Variants in CACNB2 observed in about 807,000 individuals in gnomAD.
The protein encoded by CACNB2 is calcium voltage-gated channel auxiliary subunit beta 2.
In CACNB2, 42 loss-of-function variants were observed where a neutral mutation model predicts 73.3. That is an observed-to-expected ratio of 0.57 (90% CI 0.45 to 0.74). The LOEUF is 0.74. Among genes scored for constraint, CACNB2 ranks in the 30% least tolerant of loss-of-function variants. CACNB2 has a pLI of 0.00. For synonymous variants in CACNB2, 348 were observed against 310.3 expected (o/e 1.12, Z -1.28); for missense variants, 940 against 853.0 (o/e 1.10, Z -1.27).
chr10:18,146,403 A>G (rs1250806337), intron 1 of CACNB2, among the ~76,000 whole-genome samples: 2 of 144,716 alleles, frequency 1.4e-5, no homozygotes, highest in Non-Finnish European at 1.5e-5. Flanking sequence ...TCCACCTTCC[A>G]TGTTGAAGCA....
chr10:18,190,154 G>A (rs374531554), intron 2 of CACNB2, among the ~76,000 whole-genome samples: 6 of 152,092 alleles, frequency 3.9e-5, no homozygotes, highest in Admixed American at 3.9e-4. Context: ...GCTCATGTCC[G>A]CATCCTCTGC....
intron 2 of CACNB2, among the ~76,000 whole-genome samples, chr10:18,264,435 C>T (rs984356400): frequency 1.3e-5 from 2 of 152,144 alleles, no homozygotes; most frequent in African/African-American, 4.8e-5. Context: ...AGAATGTTCT[C>T]AAAGCAAACA....
intron 2 of CACNB2, among the ~76,000 whole-genome samples, chr10:18,356,870 T>A (rs577471269): frequency 6.6e-6 from 1 of 150,974 alleles, no homozygotes; most frequent in East Asian, 1.9e-4. Flanking sequence ...GCTCAAACGA[T>A]CCTCCTGCCT....
rs914172196 is a variant in CACNB2 at position 18,199,753 on chromosome 10, A to T, written c.213+48778A>T. ...ACTTTGTCTTCTGTATGGAGAAGAG[A>T]TTTTGAGGGAGCAAGACTGGAAGGA... is the stretch of plus-strand genomic sequence containing the variant. On this transcript the variant is annotated intron_variant, in intron 2 of 13. Coordinates refer to ENST00000324631, the MANE Select transcript of CACNB2 (RefSeq NM_201596.3). Among the ~76,000 whole-genome samples the T allele has an allele frequency of 2.6e-5, 4 of 152,096 alleles. No individual in the cohort carries two copies. The East Asian group carries it at 7.7e-4, about 29-fold the overall frequency.
intron 2 of CACNB2, among the ~76,000 whole-genome samples, chr10:18,392,760 A>G (rs886315098): frequency 2.0e-5 from 3 of 151,646 alleles, no homozygotes; most frequent in Non-Finnish European, 4.4e-5. Flanking sequence ...CAATTTATTC[A>G]CTCCTTTTCT....
chr10:18,392,005 C>A (rs566020666), intron 2 of CACNB2, among the ~76,000 whole-genome samples: 11 of 151,582 alleles, frequency 7.3e-5, no homozygotes, highest in Non-Finnish European at 8.8e-5. Flanking sequence ...GGAAATACCG[C>A]TGCAATCAAT....
intron 2 of CACNB2, among the ~76,000 whole-genome samples, chr10:18,296,951 GATA>G (rs1461720356): frequency 6.6e-6 from 1 of 152,194 alleles, no homozygotes; most frequent in African/African-American, 2.4e-5. Context: ...GTAAAATGAG[GATA>G]ATAACACTTT....
intron 1 of CACNB2, among the ~76,000 whole-genome samples, chr10:18,142,479 T>G (rs1056041112): frequency 6.6e-6 from 1 of 152,182 alleles, no homozygotes; most frequent in Non-Finnish European, 1.5e-5. Flanking sequence ...GAATGAAAAA[T>G]GTACCCGGAG....
chr10:18,365,549 A>C (rs1163798278), intron 2 of CACNB2, among the ~76,000 whole-genome samples: 2 of 152,110 alleles, frequency 1.3e-5, no homozygotes. Context: ...GATTTGTTTA[A>C]ATTATTTCTA....
At chr10:18,146,354 G>T (rs1462195415) in intron 1 of CACNB2, among the ~76,000 whole-genome samples, 3 of 145,940 alleles carry the variant, frequency 2.1e-5, no homozygotes, top group Non-Finnish European at 3.0e-5. Context: ...CGGTAGCCCA[G>T]GTTGGAGTGC....
At chr10:18,189,132 T>G (rs2034284573) in intron 2 of CACNB2, among the ~76,000 whole-genome samples, 1 of 152,078 alleles carries the variant, frequency 6.6e-6, no homozygotes, top group Admixed American at 6.6e-5. Context: ...CAACTACAGA[T>G]TGTTTGTTTT....
At chr10:18,315,607 T>G (rs1301179542) in intron 2 of CACNB2, among the ~76,000 whole-genome samples, 1 of 135,416 alleles carries the variant, frequency 7.4e-6, no homozygotes, top group African/African-American at 2.9e-5. Flanking sequence ...GGTGGGAGGG[T>G]AACTTGAGCA....
chr10:18,295,586 T>C (rs377251093), intron 2 of CACNB2, among the ~76,000 whole-genome samples: 1 of 152,208 alleles, frequency 6.6e-6, no homozygotes, highest in Admixed American at 6.5e-5. Flanking sequence ...TTGTTCTTAA[T>C]GTTTTTTATT....
intron 3 of CACNB2, among the ~76,000 whole-genome samples, chr10:18,475,296 C>A (rs1041912113): frequency 2.6e-5 from 4 of 152,010 alleles, no homozygotes; most frequent in African/African-American, 9.7e-5. Context: ...CAGTCTCCAA[C>A]CCTTTTCCTG....
At chr10:18,436,387 G>A (rs936227583) in intron 3 of CACNB2, among the ~76,000 whole-genome samples, 2 of 152,192 alleles carry the variant, frequency 1.3e-5, no homozygotes, top group African/African-American at 4.8e-5. Context: ...GGAGAACAAA[G>A]CAGAGAATGA....
intron 6 of CACNB2, among the ~76,000 whole-genome samples, chr10:18,511,595 G>A (rs2050788616): frequency 6.6e-6 from 1 of 152,140 alleles, no homozygotes; most frequent in African/African-American, 2.4e-5. Context: ...ATGTACTGTG[G>A]TTTTTGTTAG....
chr10:18,361,869 TC>T (rs1564469073), intron 2 of CACNB2, among the ~76,000 whole-genome samples: 1 of 152,152 alleles, frequency 6.6e-6, no homozygotes, highest in Non-Finnish European at 1.5e-5. Context: ...CGCCTCTACC[TC>T]CCAAAGTGCT....
intron 3 of CACNB2, among the ~76,000 whole-genome samples, chr10:18,440,070 A>G (rs1328369102): frequency 6.6e-6 from 1 of 152,190 alleles, no homozygotes; most frequent in Non-Finnish European, 1.5e-5. Context: ...AGGCACCGGT[A>G]GATTCAGTGT....
chr10:18,148,568 T>C (rs2031219316), intron 1 of CACNB2, among the ~76,000 whole-genome samples: 1 of 152,214 alleles, frequency 6.6e-6, no homozygotes, highest in African/African-American at 2.4e-5. Context: ...TCACAGTGCC[T>C]GTTGTACAAT....
Sources: gnomAD v4.1 joint callset for allele counts (sites outside exome capture counted in the v4.1 genomes callset) on GRCh38, gnomAD v4.1.1 for gene constraint, MANE v1.5 for transcripts, NCBI Gene and HGNC (gene_info 2026-07-23, HGNC 2026-07-21) for gene names.